The following DCUN1D2 variants were observed in gnomAD, a reference collection of about 807,000 sequenced individuals.
DCUN1D2 encodes the protein defective in cullin neddylation 1 domain containing 2, also known as DCN1-like protein 2.
DCUN1D2 carries 29 observed loss-of-function variants against 30.9 expected under a neutral mutation model. The observed-to-expected ratio is 0.94, with a 90% CI of 0.70 to 1.28. The LOEUF is 1.28. DCUN1D2 is among the 50% of genes most tolerant of loss of function. DCUN1D2 has a pLI of 0.00. For synonymous variants in DCUN1D2, 121 were observed against 115.3 expected (o/e 1.05, Z -0.32); for missense variants, 325 against 316.9 (o/e 1.03, Z -0.19).
Position 113,490,126 on chromosome 13 carries a change from G to A in DCUN1D2, c.3+541C>T, listed in dbSNP as rs2044914823. On this transcript the variant is annotated intron_variant, in intron 1 of 6. Coordinates refer to ENST00000478244, the MANE Select transcript of DCUN1D2 (RefSeq NM_001014283.2). This position sits in a 1 kb window ranked among gnomAD's most constrained non-coding sequence, Gnocchi z 5.2. ...GCGGAACTCTACCAGCTCCACAGATGCACACCTACAGCCACGCTACAGCTC... is the reference window on the plus strand; with the variant it reads ...GCGGAACTCTACCAGCTCCACAGATACACACCTACAGCCACGCTACAGCTC... 6.6e-6 allele frequency among the ~76,000 whole-genome samples: 1 copy of A among 152,278 alleles called. No homozygotes were observed. Among genetic ancestry groups the A allele is most frequent in the African/African-American group, 2.4e-5 (1 of 41,560 alleles).
intron 4 of DCUN1D2, 81 bp downstream of exon 4, chr13:113,474,043 C>G: frequency 6.5e-7 from 1 of 1,534,712 alleles, no homozygotes; most frequent in South Asian, 1.2e-5. Context: ...TTACAGTTGG[C>G]TGCACAAAAA....
intron 4 of DCUN1D2, among the ~76,000 whole-genome samples, chr13:113,465,809 G>A (rs1377378901): frequency 2.6e-5 from 4 of 151,986 alleles, no homozygotes; most frequent in African/African-American, 9.7e-5. Flanking sequence ...AGGGACTACA[G>A]GTGCACACCA....
upstream of DCUN1D2, chr13:113,491,031 G>C (rs1429122022): frequency 6.2e-6 from 1 of 161,506 alleles, no homozygotes; most frequent in African/African-American, 2.4e-5. Flanking sequence ...GGGAGTCCGG[G>C]TCGGCTTGGC....
At chr13:113,490,869 G>T, upstream of DCUN1D2, 1 of 316,614 alleles carries the variant, frequency 3.2e-6, no homozygotes, top group Non-Finnish European at 5.2e-6. This position sits in a 1 kb window ranked among gnomAD's most constrained non-coding sequence, Gnocchi z 5.2. Flanking sequence ...TGCGCGTCCA[G>T]CCCTCTGCGA....
At chr13:113,465,518 A>C (rs907141788) in intron 4 of DCUN1D2, among the ~76,000 whole-genome samples, 27 of 151,634 alleles carry the variant, frequency 1.8e-4, no homozygotes, top group Middle Eastern at 3.4e-3. Flanking sequence ...AAAAACAAAC[A>C]AACCCTGCAT....
chr13:113,459,170 A>T, intron 6 of DCUN1D2, 142 bp downstream of exon 6: 8 of 563,168 alleles, frequency 1.4e-5, no homozygotes, highest in Non-Finnish European at 1.9e-5. Context: ...CTTTTGTATG[A>T]TTTACAGAAA....
rs1393331517 is a variant in DCUN1D2 at position 113,456,694 on chromosome 13, T to A, written c.*1335A>T. ...CAACCAGGCGGACACGAGAAACAGATGATAACATGGTGCAAGGACAGACTT... is the reference window on the plus strand; with the variant it reads ...CAACCAGGCGGACACGAGAAACAGAAGATAACATGGTGCAAGGACAGACTT... On this transcript the variant is annotated 3_prime_UTR_variant, in exon 7 of 7. Coordinates refer to ENST00000478244, the MANE Select transcript of DCUN1D2 (RefSeq NM_001014283.2). 1 of 241,074 alleles carries A rather than the reference T, an allele frequency of 4.1e-6. No individual in the cohort carries two copies. The highest frequency in any genetic ancestry group is 7.9e-6 in the Non-Finnish European group (1 of 126,644). 14.9% of individuals were successfully genotyped at this position (241,074 alleles called of 1,614,324 possible).
At chr13:113,485,384 T>A (rs1199205462) in intron 1 of DCUN1D2, among the ~76,000 whole-genome samples, 1 of 152,180 alleles carries the variant, frequency 6.6e-6, no homozygotes, top group Non-Finnish European at 1.5e-5. Context: ...GTGCCATTAG[T>A]ACAAGGACGT....
chr13:113,474,145 T>C lies in DCUN1D2; in HGVS notation c.499A>G (p.Asn167Asp), dbSNP rs1164782454. The change falls in exon 4 of 7, where the codon AAC (asparagine) becomes GAC (aspartate). Residue 167 changes from asparagine (N) to aspartate (D), a missense_variant. By Grantham distance (23) the Asn-to-Asp change is conservative. Coordinates refer to ENST00000478244, the MANE Select transcript of DCUN1D2 (RefSeq NM_001014283.2). ...FYQFTFTFAK[N>D]PGQKGLDLEM... ...TCACCTAAACCTTTCTGCCCTGGGT[T>C]CTTAGCGAAGGTGAAGGTAAACTGA... 7 of 1,614,136 alleles carry C rather than the reference T, an allele frequency of 4.3e-6. No homozygotes were observed. The highest frequency in any genetic ancestry group is 5.9e-6 in the Non-Finnish European group (7 of 1,179,964).
chr13:113,490,478 G>A lies in DCUN1D2; in HGVS notation c.3+189C>T. 1.8e-6 allele frequency: 1 copy of A among 555,970 alleles called. No individual in the cohort carries two copies. Among genetic ancestry groups the A allele is most frequent in the Non-Finnish European group, 2.7e-6 (1 of 374,104 alleles). 34.4% of individuals were successfully genotyped at this position (555,970 alleles called of 1,614,324 possible). On this transcript the variant is annotated intron_variant, in intron 1 of 6. Coordinates refer to ENST00000478244, the MANE Select transcript of DCUN1D2 (RefSeq NM_001014283.2). This position sits in a 1 kb window ranked among gnomAD's most constrained non-coding sequence, Gnocchi z 5.2. The stretch of plus-strand genomic sequence containing the variant: ...TCCGGGTCAAACCCGCGCTCCCCGC[G>A]GTCCCGCGCCTCCGACGCCACCGCT...
Position 113,480,626 on chromosome 13 carries a change from G to A in DCUN1D2, c.338C>T (p.Thr113Ile). 1 of 1,614,118 alleles carries A rather than the reference G, an allele frequency of 6.2e-7. No homozygotes were observed. The highest frequency in any genetic ancestry group is 8.5e-7 in the Non-Finnish European group (1 of 1,180,012). The change falls in exon 3 of 7, where the codon ACT becomes ATT. Residue 113 changes from threonine (T) to isoleucine (I), a missense_variant. Thr to Ile is a moderately conservative substitution (Grantham distance 89). Coordinates refer to ENST00000478244, the MANE Select transcript of DCUN1D2 (RefSeq NM_001014283.2). ...LVIAWKFRAA[T>I]QCEFSRKEFL... ...TTCCTTTCTGCTAAATTCACACTGAGTTGCTGCCCTGAACTTCCACGCTAT... is the reference window on the plus strand; with the variant it reads ...TTCCTTTCTGCTAAATTCACACTGAATTGCTGCCCTGAACTTCCACGCTAT...
At chr13:113,470,431 A>G (rs2044482425) in intron 4 of DCUN1D2, among the ~76,000 whole-genome samples, 1 of 152,210 alleles carries the variant, frequency 6.6e-6, no homozygotes, top group African/African-American at 2.4e-5. Context: ...AAAAAGGAAG[A>G]TCATTTTTAA....
chr13:113,482,951 C>T (rs1394502379), intron 2 of DCUN1D2, among the ~76,000 whole-genome samples: 1 of 152,168 alleles, frequency 6.6e-6, no homozygotes, highest in Admixed American at 6.5e-5. Context: ...CATAAACACA[C>T]ACACACACAG....
At chr13:113,466,131 C>T (rs1423690466) in intron 4 of DCUN1D2, among the ~76,000 whole-genome samples, 2 of 152,104 alleles carry the variant, frequency 1.3e-5, no homozygotes, top group African/African-American at 4.8e-5. Flanking sequence ...AAGTGATCCA[C>T]CCAGAAGTGC....
intron 5 of DCUN1D2, among the ~76,000 whole-genome samples, chr13:113,459,895 C>T (rs1199186710): frequency 6.6e-6 from 1 of 152,192 alleles, no homozygotes; most frequent in Non-Finnish European, 1.5e-5. Context: ...TGCTCCATCG[C>T]ACCAATATTC....
chr13:113,478,936 T>TC (rs1482546976), intron 3 of DCUN1D2: 10 of 152,014 alleles, frequency 6.6e-5, no homozygotes, highest in Admixed American at 6.6e-5. Context: ...ACGAACATAG[T>TC]CCCCCACTAC....
At chr13:113,478,166 T>A (rs976158426) in intron 3 of DCUN1D2, among the ~76,000 whole-genome samples, 2 of 152,250 alleles carry the variant, frequency 1.3e-5, no homozygotes, top group Admixed American at 6.5e-5. Context: ...GCCAATTAAG[T>A]CATCCCAAAC....
intron 2 of DCUN1D2, 122 bp downstream of exon 2, chr13:113,483,718 C>A: frequency 1.1e-6 from 1 of 893,604 alleles, no homozygotes; most frequent in South Asian, 1.6e-5. Flanking sequence ...GAGCGCTGAG[C>A]GTGGGGAGGA....
intron 1 of DCUN1D2, among the ~76,000 whole-genome samples, chr13:113,485,472 A>G (rs768942873): frequency 3.3e-5 from 5 of 152,150 alleles, no homozygotes; most frequent in Non-Finnish European, 5.9e-5. Flanking sequence ...ATTAGTTAGG[A>G]AAATCCGTTT....
Sources: allele counts gnomAD v4.1 joint callset (sites outside exome capture counted in the v4.1 genomes callset), GRCh38; gene constraint gnomAD v4.1.1; non-coding constraint Gnocchi (gnomAD v3.1); transcripts MANE v1.5; gene names NCBI Gene and HGNC (gene_info 2026-07-23, HGNC 2026-07-21).